ADGRL2: variants seen among roughly 807,000 people sequenced by gnomAD.
ADGRL2 encodes the protein adhesion G protein-coupled receptor L2.
Under a neutral mutation model 157.4 loss-of-function variants are expected in ADGRL2, and 44 were observed. The ratio of observed to expected loss-of-function variants is 0.28; its 90% CI spans 0.22 to 0.36. The LOEUF (loss-of-function observed/expected upper bound fraction) is 0.36. Among genes scored for constraint, ADGRL2 ranks in the 10% least tolerant of loss-of-function variants. The pLI, the probability that ADGRL2 is intolerant of heterozygous loss-of-function variation, is 1.00. For missense variants in ADGRL2, 1,510 were observed against 1,768.9 expected (o/e 0.85, Z 2.63); for synonymous variants, 585 against 624.7 (o/e 0.94, Z 0.95).
chr1:81,667,044 G>A (rs1377539754), intron 3 of ADGRL2, among the ~76,000 whole-genome samples: 1 of 152,158 alleles, frequency 6.6e-6, no homozygotes, highest in African/African-American at 2.4e-5. Flanking sequence ...AACTCAAAAT[G>A]CAAAACTACC....
At chr1:81,721,698 C>A (rs573144443) in intron 1 of ADGRL2, 4 of 1,330,208 alleles carry the variant, frequency 3.0e-6, no homozygotes, top group Non-Finnish European at 3.2e-6. Context: ...TGACCATGGA[C>A]CCCCCGCAAA....
At chr1:81,713,108 A>G (rs890562753) in intron 1 of ADGRL2, among the ~76,000 whole-genome samples, 2 of 152,118 alleles carry the variant, frequency 1.3e-5, no homozygotes, top group East Asian at 1.9e-4. Flanking sequence ...CCGATATATA[A>G]TGAAATGGAA....
chr1:81,617,915 T>TAACCTTGAA (rs1175662249), intron 3 of ADGRL2, among the ~76,000 whole-genome samples: 3 of 152,210 alleles, frequency 2.0e-5, no homozygotes, highest in Non-Finnish European at 4.4e-5. Flanking sequence ...GACCTAATGC[T>TAACCTTGAA]AACCTTGAAA....
At chr1:81,375,168 C>T (rs2076228241) in intron 1 of ADGRL2, among the ~76,000 whole-genome samples, 1 of 152,178 alleles carries the variant, frequency 6.6e-6, no homozygotes, top group African/African-American at 2.4e-5. Flanking sequence ...AGCTTAATAC[C>T]TGTCTTAATA....
At chr1:81,710,663 A>C (rs1303257215) in intron 1 of ADGRL2, among the ~76,000 whole-genome samples, 4 of 150,308 alleles carry the variant, frequency 2.7e-5, no homozygotes, top group African/African-American at 9.8e-5. Context: ...ATTTTTTGTG[A>C]GTTACATCTC....
intron 2 of ADGRL2, among the ~76,000 whole-genome samples, chr1:81,861,099 C>A (rs795350): frequency 0.13 from 19,045 of 151,184 alleles, 1,294 homozygotes; most frequent in Admixed American, 0.21. Flanking sequence ...TCACTGCAAC[C>A]TCCACCTACC....
At chr1:81,332,251 C>T (rs1451887870) in intron 1 of ADGRL2, among the ~76,000 whole-genome samples, 2 of 152,076 alleles carry the variant, frequency 1.3e-5, no homozygotes, top group East Asian at 1.9e-4. Context: ...AATATATGTA[C>T]TCAAGGTTCT....
chr1:81,920,327 G>A (rs1239555580), intron 3 of ADGRL2, among the ~76,000 whole-genome samples: 1 of 152,136 alleles, frequency 6.6e-6, no homozygotes, highest in Non-Finnish European at 1.5e-5. Context: ...TAAAAGAACT[G>A]TCCTTGAAAA....
At position 81,836,901 on chromosome 1, in the gene ADGRL2, T is replaced by G. The variant is rs2092313828; in HGVS notation, c.-84T>G. 2.7e-6 allele frequency: 2 copies of G among 753,748 alleles called. No individual in the cohort carries two copies. Among genetic ancestry groups the G allele is most frequent in the Admixed American group, 2.6e-5 (1 of 37,814 alleles). 46.7% of individuals were successfully genotyped at this position (753,748 alleles called of 1,614,324 possible). A position where few individuals can be genotyped will look rare whatever the true frequency, so the allele number is the denominator to read the frequency against. ...GTTTTTCAGATATGAAGATCAATGA[T>G]GCAGACTGATGGTTTTGATGAAGCT... On this transcript the variant is annotated 5_prime_UTR_variant, in exon 2 of 24. The change abolishes an upstream ATG in the 5' untranslated region. Transcript: ENST00000686636.
chr1:81,929,545 G>C (rs924927991), intron 3 of ADGRL2, among the ~76,000 whole-genome samples: 2 of 152,116 alleles, frequency 1.3e-5, no homozygotes, highest in Non-Finnish European at 2.9e-5. Flanking sequence ...ATTACACATG[G>C]AATCTCGTCT....
At position 81,991,064 on chromosome 1, in the gene ADGRL2, T is replaced by C. The variant is rs1266647143; in HGVS notation, c.4329T>C (p.Tyr1443=). ...TCAGCAGGGGCAATAGTGATGGTTA[T>C]ATAATCCCCATTAACAAAGAAGGGT... ...YQISRGNSDG[Y]IIPINKEGCI... The change falls in exon 24 of 24, where the codon TAT becomes TAC. Residue 1443 remains tyrosine (Y), a synonymous_variant. Coordinates refer to ENST00000686636, the MANE Select transcript of ADGRL2 (RefSeq NM_001366006.2). 1 of 1,613,754 alleles carries C rather than the reference T, an allele frequency of 6.2e-7. No individual in the cohort carries two copies. The highest frequency in any genetic ancestry group is 8.5e-7 in the Non-Finnish European group (1 of 1,179,896).
At chr1:81,919,032 G>A (rs2094921387) in intron 3 of ADGRL2, among the ~76,000 whole-genome samples, 2 of 152,016 alleles carry the variant, frequency 1.3e-5, no homozygotes, top group Admixed American at 1.3e-4. Context: ...TTATTTATCA[G>A]GTGATAGTTT....
chr1:81,676,548 A>G (rs1438067731), intron 3 of ADGRL2, among the ~76,000 whole-genome samples: 3 of 148,230 alleles, frequency 2.0e-5, no homozygotes, highest in African/African-American at 7.5e-5. Context: ...TGATTCCTCT[A>G]CCTTGGCCTC....
At chr1:81,762,411 A>T (rs2085914710) in intron 2 of ADGRL2, among the ~76,000 whole-genome samples, 1 of 152,146 alleles carries the variant, frequency 6.6e-6, no homozygotes, top group South Asian at 2.1e-4. Flanking sequence ...TTGTCTTTAT[A>T]TTTTTATGAC....
At chr1:81,656,042 C>T (rs2082527366) in intron 3 of ADGRL2, among the ~76,000 whole-genome samples, 1 of 152,124 alleles carries the variant, frequency 6.6e-6, no homozygotes, top group Admixed American at 6.5e-5. Context: ...ACCCTTTTTA[C>T]CTCTTTTGTA....
In ADGRL2 at chr1:81,343,734, C is replaced by CAG. The variant is rs151128567; in HGVS notation, c.-302+37239_-302+37240dup. ...AGAGAGAGAGAGAAAGAGATTGTGA[C>CAG]AGAGAGAGAGAGAGAAAGAGAGCAT... On this transcript the variant is annotated intron_variant, in intron 1 of 24. Transcript: ENST00000370721. 1.9e-3 allele frequency among the ~76,000 whole-genome samples: 288 copies of CAG among 150,946 alleles called. 1 individual carries two copies. Among genetic ancestry groups the CAG allele is most frequent in the African/African-American group, 6.2e-3 (255 of 41,262 alleles).
chr1:81,638,451 TTTGA>T (rs1007514435), intron 3 of ADGRL2, among the ~76,000 whole-genome samples: 5 of 152,164 alleles, frequency 3.3e-5, no homozygotes, highest in African/African-American at 1.2e-4. Context: ...CAACAACATA[TTTGA>T]TTGTGTATAT....
chr1:81,889,166 A>G (rs2094201784), intron 2 of ADGRL2, among the ~76,000 whole-genome samples: 1 of 152,244 alleles, frequency 6.6e-6, no homozygotes, highest in African/African-American at 2.4e-5. Flanking sequence ...AAAGTTGCAC[A>G]TTTCTTCATA....
At chr1:81,474,322 TC>T (rs917011408) in intron 2 of ADGRL2, among the ~76,000 whole-genome samples, 1 of 152,212 alleles carries the variant, frequency 6.6e-6, no homozygotes, top group Non-Finnish European at 1.5e-5. Context: ...TTGTTGTATA[TC>T]TTTTGTGTTG....
Sources: allele counts gnomAD v4.1 joint callset (sites outside exome capture counted in the v4.1 genomes callset), GRCh38; gene constraint gnomAD v4.1.1; transcripts MANE v1.5; gene names NCBI Gene and HGNC (gene_info 2026-07-23, HGNC 2026-07-21).